The following BZW2 variants were observed in gnomAD, a reference collection of about 807,000 sequenced individuals.
BZW2 encodes eIF5-mimic protein 1.
BZW2 carries 23 observed loss-of-function variants against 53.2 expected under a neutral mutation model. The ratio of observed to expected loss-of-function variants is 0.43; its 90% CI spans 0.31 to 0.61. BZW2 has a LOEUF of 0.61. Among genes scored for constraint, BZW2 ranks in the 20% least tolerant of loss-of-function variants. The pLI is 0.09. For missense variants in BZW2, 409 were observed against 503.1 expected (o/e 0.81, Z 1.79); for synonymous variants, 227 against 186.4 (o/e 1.22, Z -1.77).
rs746688264 is a variant in BZW2 at position 16,681,305 on chromosome 7, T to C, written c.240T>C (p.Pro80=). The C allele has an allele frequency of 1.2e-6, 2 of 1,613,298 alleles. No homozygotes were observed. Among genetic ancestry groups the C allele is most frequent in the South Asian group, 1.1e-5 (1 of 90,998 alleles). ...CAATTACCTTTCTCTTTTTAGCCCC[T>C]GGAGGAACGCGCATAGATGATGGTG... ...DILVAGSMLA[P]GGTRIDDGDK... The change falls in exon 4 of 12, where the codon CCT becomes CCC. Residue 80 remains proline (P), a synonymous_variant. Coordinates refer to ENST00000258761, the MANE Select transcript of BZW2 (RefSeq NM_014038.3).
rs71848458 is a variant in BZW2 at position 16,665,507 on chromosome 7, T to TTGTG, written c.58+26_58+29dup. 4.6e-3 allele frequency: 7,188 copies of TTGTG among 1,548,348 alleles called. 117 individuals are homozygous for TTGTG. In the African/African-American group the frequency reaches 0.071, roughly 15 times the overall value. ...GTTCAAAACTCGGAAAAGGGGTAGG[T>TTGTG]TGTGTGTGTGTGTGTGTGTGTGTTT... On this transcript the variant is annotated splice_region_variant and intron_variant, in intron 2 of 11. Transcript: ENST00000258761.
At chr7:16,697,190 A>G (rs189271835) in intron 9 of BZW2, 129 bp downstream of exon 9, 3 of 1,090,938 alleles carry the variant, frequency 2.7e-6, no homozygotes, top group Admixed American at 5.8e-5. Flanking sequence ...CCTGGGCTCA[A>G]GCCACCCTCC....
At chr7:16,673,908 A>C (rs1038058069) in intron 2 of BZW2, among the ~76,000 whole-genome samples, 10 of 151,890 alleles carry the variant, frequency 6.6e-5, no homozygotes, top group Admixed American at 3.9e-4. Flanking sequence ...TATTATTTTT[A>C]ATTTTTTTGA....
At chr7:16,697,918 T>C in intron 9 of BZW2, 130 bp from the exon 10 acceptor site, 1 of 1,121,510 alleles carries the variant, frequency 8.9e-7, no homozygotes, top group South Asian at 1.5e-5. Flanking sequence ...CACAATATGA[T>C]GATAAAAGGT....
chr7:16,654,545 T>G (rs2128350334), intron 1 of BZW2, among the ~76,000 whole-genome samples: 1 of 140,616 alleles, frequency 7.1e-6, no homozygotes, highest in African/African-American at 2.6e-5. Context: ...TGATATTTAT[T>G]TATTTATGAG....
intron 2 of BZW2, among the ~76,000 whole-genome samples, chr7:16,673,272 A>G (rs960314322): frequency 5.9e-5 from 9 of 152,154 alleles, no homozygotes; most frequent in Non-Finnish European, 1.2e-4. Context: ...CTAAGGAAAA[A>G]AAGCTACATA....
intron 7 of BZW2, among the ~76,000 whole-genome samples, chr7:16,691,955 G>A (rs184919190): frequency 1.6e-4 from 24 of 152,158 alleles, no homozygotes; most frequent in South Asian, 6.2e-4. Context: ...TGGTTTCTGC[G>A]AGAAACATAT....
intron 3 of BZW2, among the ~76,000 whole-genome samples, chr7:16,680,662 C>T (rs1782916738): frequency 6.6e-6 from 1 of 151,952 alleles, no homozygotes; most frequent in Non-Finnish European, 1.5e-5. Flanking sequence ...AAAAAATAAG[C>T]TGGGCATGGT....
At chr7:16,682,506 A>G (rs1476899868) in intron 4 of BZW2, among the ~76,000 whole-genome samples, 1 of 152,112 alleles carries the variant, frequency 6.6e-6, no homozygotes, top group East Asian at 1.9e-4. Flanking sequence ...ACAGTTTAAA[A>G]ATCACATTTA....
intron 3 of BZW2, among the ~76,000 whole-genome samples, chr7:16,679,220 C>T (rs1487086928): frequency 6.6e-6 from 1 of 152,070 alleles, no homozygotes; most frequent in Non-Finnish European, 1.5e-5. Flanking sequence ...TGATAAATGT[C>T]CATGAAATCT....
intron 3 of BZW2, among the ~76,000 whole-genome samples, chr7:16,676,162 T>C (rs1010998789): frequency 9.2e-5 from 14 of 152,240 alleles, no homozygotes; most frequent in Non-Finnish European, 1.6e-4. Flanking sequence ...TGCATGCTGA[T>C]TTGTATTTAT....
At chr7:16,684,876 C>T (rs1783066541) in intron 5 of BZW2, among the ~76,000 whole-genome samples, 2 of 152,152 alleles carry the variant, frequency 1.3e-5, no homozygotes, top group Non-Finnish European at 2.9e-5. Context: ...AATAATCCTT[C>T]AATTCTTGGG....
At chr7:16,673,820 C>G (rs1033523726) in intron 2 of BZW2, among the ~76,000 whole-genome samples, 3 of 152,154 alleles carry the variant, frequency 2.0e-5, no homozygotes, top group Non-Finnish European at 2.9e-5. Context: ...TTTAGCACAT[C>G]TGTCCTGAAG....
intron 6 of BZW2, 51 bp from the exon 7 acceptor site, chr7:16,689,746 C>G: frequency 6.7e-7 from 1 of 1,489,722 alleles, no homozygotes; most frequent in Non-Finnish European, 9.2e-7. Context: ...CACACCATCA[C>G]AATTGGTTTT....
intron 10 of BZW2, among the ~76,000 whole-genome samples, chr7:16,700,266 G>A (rs1562498998): frequency 6.6e-6 from 1 of 152,168 alleles, no homozygotes; most frequent in South Asian, 2.1e-4. Context: ...TGGAGAACAT[G>A]CAATCCCTGA....
At chr7:16,697,990 G>T in intron 9 of BZW2, 58 bp from the exon 10 acceptor site, 2 of 1,598,458 alleles carry the variant, frequency 1.3e-6, no homozygotes, top group South Asian at 1.1e-5. Flanking sequence ...AGTTCCAGCA[G>T]TGTCGGCTCT....
chr7:16,682,979 C>T lies in BZW2; in HGVS notation c.405+134C>T, dbSNP rs567833648. ...TTGGGAGGCCGAGACGGGTGGGTCACAAGGTCAGGAGTTTAAGACCAGCCT... is the reference window on the plus strand; with the variant it reads ...TTGGGAGGCCGAGACGGGTGGGTCATAAGGTCAGGAGTTTAAGACCAGCCT... On this transcript the variant is annotated intron_variant, in intron 5 of 11. Coordinates refer to ENST00000258761, the MANE Select transcript of BZW2 (RefSeq NM_014038.3). 7.1e-5 allele frequency: 30 copies of T among 423,062 alleles called. No homozygotes were observed. The East Asian group carries it at 1.2e-3, about 17-fold the overall frequency. 26.2% of individuals were successfully genotyped at this position (423,062 alleles called of 1,614,324 possible). A position where few individuals can be genotyped will look rare whatever the true frequency, so the allele number is the denominator to read the frequency against.
intron 2 of BZW2, among the ~76,000 whole-genome samples, chr7:16,669,772 G>T (rs1293821671): frequency 6.6e-6 from 1 of 152,138 alleles, no homozygotes. Context: ...CAGTACAAGG[G>T]CTATGATGAC....
At chr7:16,662,511 A>G (rs1782297177) in intron 1 of BZW2, among the ~76,000 whole-genome samples, 1 of 152,170 alleles carries the variant, frequency 6.6e-6, no homozygotes. Flanking sequence ...CAGAAAAAAG[A>G]AAAACAAGGT....
Sources: allele counts gnomAD v4.1 joint callset (sites outside exome capture counted in the v4.1 genomes callset), GRCh38; gene constraint gnomAD v4.1.1; transcripts MANE v1.5; gene names NCBI Gene and HGNC (gene_info 2026-07-23, HGNC 2026-07-21).